Variants in WNT2B observed in about 807,000 individuals in gnomAD.
WNT2B encodes protein Wnt-2b.
WNT2B carries 19 observed loss-of-function variants against 40.5 expected under a neutral mutation model. The ratio of observed to expected loss-of-function variants is 0.47; its 90% CI spans 0.33 to 0.69. The LOEUF (loss-of-function observed/expected upper bound fraction) is 0.69, where lower values mean the gene tolerates loss of function less well. Among genes scored for constraint, WNT2B ranks in the 30% least tolerant of loss-of-function variants. The pLI is 0.02. For synonymous variants in WNT2B, 220 were observed against 211.9 expected (o/e 1.04, Z -0.33); for missense variants, 467 against 556.4 (o/e 0.84, Z 1.62).
intron 1 of WNT2B, among the ~76,000 whole-genome samples, chr1:112,474,828 T>A (rs1265295012): frequency 6.6e-6 from 1 of 152,216 alleles, no homozygotes; most frequent in African/African-American, 2.4e-5. Context: ...CCCTTGGTGC[T>A]GTTCTCATGA....
chr1:112,497,398 C>T (rs929271074), intron 1 of WNT2B, among the ~76,000 whole-genome samples: 6 of 152,226 alleles, frequency 3.9e-5, no homozygotes, highest in South Asian at 2.1e-4. Context: ...ACTACATGGA[C>T]GCTGCCAAGG....
rs560898908 is a variant in WNT2B, at chr1:112,490,898, C to G, written c.-95+23307C>G. The G allele has an allele frequency of 9.2e-5, 97 of 1,057,896 alleles. 1 individual carries two copies. The highest frequency in any genetic ancestry group is 9.0e-4 in the South Asian group (64 of 70,900). 65.5% of individuals were successfully genotyped at this position (1,057,896 alleles called of 1,614,324 possible). A position where few individuals can be genotyped will look rare whatever the true frequency, so the allele number is the denominator to read the frequency against. ...ATTTACCTCTTCCGGAAAGATCCCC[C>G]CTGGATTCCCAATAGCTCTACCCTA... On this transcript the variant is annotated intron_variant, in intron 1 of 4. Transcript: ENST00000256640.
chr1:112,505,054 G>A (rs923527678), upstream of WNT2B, among the ~76,000 whole-genome samples: 3 of 152,248 alleles, frequency 2.0e-5, no homozygotes, highest in Non-Finnish European at 4.4e-5. Context: ...CCAGAGAGCA[G>A]AGCATAAGGT....
intron 1 of WNT2B, among the ~76,000 whole-genome samples, chr1:112,500,428 A>ATATCGCTAATATATTT (rs1651911909): frequency 6.6e-6 from 1 of 152,154 alleles, no homozygotes; most frequent in Non-Finnish European, 1.5e-5. Context: ...CGCTAATAAT[A>ATATCGCTAATATATTT]AAAAAATTAA....
intron 1 of WNT2B, among the ~76,000 whole-genome samples, chr1:112,490,421 T>C (rs1651559491): frequency 6.6e-6 from 1 of 152,052 alleles, no homozygotes; most frequent in South Asian, 2.1e-4. Context: ...CTTCCAAGTG[T>C]GAGTGAGAAA....
chr1:112,472,115 C>T (rs1052311155), intron 1 of WNT2B, among the ~76,000 whole-genome samples: 1 of 152,090 alleles, frequency 6.6e-6, no homozygotes, highest in Admixed American at 6.5e-5. Flanking sequence ...GATCAGACAA[C>T]AAAGGACACA....
At position 112,468,270 on chromosome 1, in the gene WNT2B, C is replaced by T. The variant is rs142175303; in HGVS notation, c.-95+679C>T. Among the ~76,000 whole-genome samples the T allele has an allele frequency of 3.3e-3, 505 of 152,230 alleles. 3 individuals carry two copies. The highest frequency in any genetic ancestry group is 0.012 in the African/African-American group (482 of 41,540). ...AGTCGTGCTGTAATACACATCTGAACGCAGGCATCCCTTTGATATACTATT... is the reference window on the plus strand; with the variant it reads ...AGTCGTGCTGTAATACACATCTGAATGCAGGCATCCCTTTGATATACTATT... On this transcript the variant is annotated intron_variant, in intron 1 of 4. Transcript: ENST00000256640.
chr1:112,504,189 G>A (rs1024083274), upstream of WNT2B, among the ~76,000 whole-genome samples: 2 of 152,130 alleles, frequency 1.3e-5, no homozygotes, highest in Non-Finnish European at 2.9e-5. Context: ...CCGTCAGCCC[G>A]CCCACTGCCT....
At chr1:112,481,727 C>G (rs1434536734) in intron 1 of WNT2B, among the ~76,000 whole-genome samples, 2 of 152,088 alleles carry the variant, frequency 1.3e-5, no homozygotes, top group Non-Finnish European at 2.9e-5. Context: ...AAAAATTAAT[C>G]AGGCCAGGCG....
intron 2 of WNT2B, 86 bp from the exon 3 acceptor site, chr1:112,516,053 GT>G: frequency 6.0e-6 from 9 of 1,504,220 alleles, no homozygotes; most frequent in Non-Finnish European, 8.1e-6. Context: ...TAGGGAAGAG[GT>G]TTCAGAGTCA....
chr1:112,478,856 G>A lies in WNT2B; in HGVS notation c.-95+11265G>A, dbSNP rs76886876. Among the ~76,000 whole-genome samples the A allele has an allele frequency of 5.6e-4, 85 of 152,274 alleles. No homozygotes were observed. In the East Asian group the frequency reaches 9.7e-3, roughly 17 times the overall value. ...GAGGCTTGCTTGAGCAGAGGTGTTTGAAGTTGCAGTGAGGCATGATCACAC... is the reference window on the plus strand; with the variant it reads ...GAGGCTTGCTTGAGCAGAGGTGTTTAAAGTTGCAGTGAGGCATGATCACAC... On this transcript the variant is annotated intron_variant, in intron 1 of 4. Transcript: ENST00000256640.
intron 1 of WNT2B, chr1:112,514,640 G>A (rs952494348): frequency 2.1e-5 from 12 of 572,046 alleles, no homozygotes; most frequent in Non-Finnish European, 3.1e-5. Context: ...GCCTTTGGCT[G>A]GGGAACTGGT....
Position 112,522,692 on chromosome 1 carries a change from G to A in WNT2B, c.*2183G>A, listed in dbSNP as rs1369703297. The A allele has an allele frequency of 2.0e-5, 3 of 152,256 alleles. No homozygotes were observed. The highest frequency in any genetic ancestry group is 4.4e-5 in the Non-Finnish European group (3 of 68,150). The allele number at this position is 152,256 out of a possible 1,614,324, so 9.4% of individuals were successfully genotyped here. A position where few individuals can be genotyped will look rare whatever the true frequency, so the allele number is the denominator to read the frequency against. ...AGACCTGTGTGGGAGAGTTTAGGGT[G>A]GTTTTTCTTTTGGTGAGGGGATTTG... On this transcript the variant is annotated 3_prime_UTR_variant, in exon 5 of 5. Transcript: ENST00000369684.
chr1:112,508,008 T>A (rs1390038687), upstream of WNT2B, among the ~76,000 whole-genome samples: 1 of 151,908 alleles, frequency 6.6e-6, no homozygotes, highest in Non-Finnish European at 1.5e-5. This position sits in a 1 kb window ranked among gnomAD's most constrained non-coding sequence, Gnocchi z 4.2. Flanking sequence ...CCTTCCCTAT[T>A]TACCACGCCC....
In WNT2B at chr1:112,529,122, A is replaced by C. The variant is rs1236034282; in HGVS notation, c.*8613A>C. On this transcript the variant is annotated 3_prime_UTR_variant, in exon 5 of 5. Coordinates refer to ENST00000369684, the MANE Select transcript of WNT2B (RefSeq NM_024494.3). ...CTGGTGCCACTTTCAGAAACAGAGT[A>C]TTGAACTATGGGTCTGACCCAGTGT... The C allele has an allele frequency of 6.6e-6, 1 of 152,110 alleles. No homozygotes were observed. The highest frequency in any genetic ancestry group is 2.4e-5 in the African/African-American group (1 of 41,432). 9.4% of individuals were successfully genotyped at this position (152,110 alleles called of 1,614,324 possible).
intron 4 of WNT2B, chr1:112,517,922 A>T (rs558610509): frequency 7.2e-4 from 112 of 155,690 alleles, no homozygotes; most frequent in Non-Finnish European, 1.0e-3. Context: ...GCAATTTCTT[A>T]TCAGAGAGTA....
At chr1:112,468,136 G>T (rs1268243313) in intron 1 of WNT2B, among the ~76,000 whole-genome samples, 2 of 152,120 alleles carry the variant, frequency 1.3e-5, no homozygotes, top group African/African-American at 4.8e-5. Context: ...CAAATGAGTT[G>T]ATTTCATTCT....
In WNT2B at chr1:112,483,557, T is replaced by C. The variant is rs940560449; in HGVS notation, c.-95+15966T>C. Among the ~76,000 whole-genome samples, 182 of 140,796 alleles carry C rather than the reference T, an allele frequency of 1.3e-3. 1 individual carries two copies. Among genetic ancestry groups the C allele is most frequent in the Non-Finnish European group, 3.3e-4 (22 of 66,134 alleles). 92.4% of individuals were successfully genotyped at this position (140,796 alleles called of 152,430 possible). ...AACATAGGGGAACATTTTCTTGATATTGGCCTGGGAAATGATTTTTTTTTT... is the reference window on the plus strand; with the variant it reads ...AACATAGGGGAACATTTTCTTGATACTGGCCTGGGAAATGATTTTTTTTTT... On this transcript the variant is annotated intron_variant, in intron 1 of 4. Coordinates refer to the WNT2B transcript ENST00000256640.
chr1:112,472,631 A>G (rs1044492945), intron 1 of WNT2B, among the ~76,000 whole-genome samples: 4 of 152,222 alleles, frequency 2.6e-5, no homozygotes, highest in African/African-American at 9.6e-5. Context: ...AAGCTCAAGA[A>G]TATGTATAGG....
Sources: gnomAD v4.1 joint callset for allele counts (sites outside exome capture counted in the v4.1 genomes callset) on GRCh38, gnomAD v4.1.1 for gene constraint, Gnocchi (gnomAD v3.1) non-coding constraint, MANE v1.5 for transcripts, NCBI Gene and HGNC (gene_info 2026-07-23, HGNC 2026-07-21) for gene names.